Variants in TSPAN5 observed in about 807,000 individuals in gnomAD.
TSPAN5 encodes the protein tetraspanin 5.
TSPAN5 carries 10 observed loss-of-function variants against 37.1 expected under a neutral mutation model. That is an observed-to-expected ratio of 0.27 (90% confidence interval 0.17 to 0.46). The LOEUF (loss-of-function observed/expected upper bound fraction) is 0.46. Among genes scored for constraint, TSPAN5 ranks in the 20% least tolerant of loss-of-function variants. The pLI, the probability that TSPAN5 is intolerant of heterozygous loss-of-function variation, is 1.00. For synonymous variants in TSPAN5, 110 were observed against 118.9 expected (o/e 0.93, Z 0.48); for missense variants, 195 against 326.6 (o/e 0.60, Z 3.11).
intron 1 of TSPAN5, among the ~76,000 whole-genome samples, chr4:98,585,845 C>T (rs941682906): frequency 1.3e-5 from 2 of 152,252 alleles, no homozygotes; most frequent in Non-Finnish European, 2.9e-5. Context: ...ATCTCCTCCA[C>T]TGTGAAATGA....
intron 1 of TSPAN5, chr4:98,575,048 G>GAGCCAGAGCCAC (rs1268206897): frequency 7.4e-5 from 12 of 161,156 alleles, no homozygotes. Context: ...GCCAGAGCCA[G>GAGCCAGAGCCAC]AGCCAGCACG....
intron 1 of TSPAN5, among the ~76,000 whole-genome samples, chr4:98,535,641 C>G (rs186959860): frequency 6.6e-6 from 1 of 152,132 alleles, no homozygotes; most frequent in Admixed American, 6.6e-5. Context: ...CAACTTGGTT[C>G]CATTCTCCTT....
chr4:98,474,431 G>A (rs930500995), intron 7 of TSPAN5, among the ~76,000 whole-genome samples: 25 of 152,168 alleles, frequency 1.6e-4, no homozygotes, highest in African/African-American at 6.0e-4. Context: ...TCAGCTCACT[G>A]CAACCTCCCA....
chr4:98,501,908 A>G (rs963073217), intron 2 of TSPAN5, among the ~76,000 whole-genome samples: 1 of 152,234 alleles, frequency 6.6e-6, no homozygotes, highest in African/African-American at 2.4e-5. Context: ...GTGCAAGAGC[A>G]GAGGCAGGGA....
At chr4:98,625,467 A>C (rs909126278) in intron 1 of TSPAN5, among the ~76,000 whole-genome samples, 2 of 152,216 alleles carry the variant, frequency 1.3e-5, no homozygotes, top group African/African-American at 2.4e-5. Context: ...TTCATGTTCA[A>C]CTCAAGATTA....
At chr4:98,476,698 A>G (rs28452129) in intron 5 of TSPAN5, among the ~76,000 whole-genome samples, 2,291 of 152,328 alleles carry the variant, frequency 0.015, 49 homozygotes, top group African/African-American at 0.052. Context: ...GGCTTGGGGA[A>G]TATCAGAAAA....
At chr4:98,551,080 A>G (rs1298867273) in intron 1 of TSPAN5, among the ~76,000 whole-genome samples, 2 of 152,140 alleles carry the variant, frequency 1.3e-5, no homozygotes, top group Non-Finnish European at 2.9e-5. Context: ...GAAGACTTTT[A>G]TCATGAAGAG....
intron 1 of TSPAN5, among the ~76,000 whole-genome samples, chr4:98,528,781 C>T (rs187051703): frequency 6.6e-6 from 1 of 152,280 alleles, no homozygotes; most frequent in Non-Finnish European, 1.5e-5. Context: ...GCTATGCTCA[C>T]TACTATAAAC....
At chr4:98,505,889 C>T (rs1213790271) in intron 2 of TSPAN5, among the ~76,000 whole-genome samples, 1 of 152,208 alleles carries the variant, frequency 6.6e-6, no homozygotes, top group African/African-American at 2.4e-5. Flanking sequence ...CAAGAGAAAT[C>T]TTGATGGTGG....
intron 1 of TSPAN5, among the ~76,000 whole-genome samples, chr4:98,643,223 TATTC>T (rs1486724925): frequency 1.3e-5 from 2 of 152,168 alleles, no homozygotes; most frequent in Non-Finnish European, 2.9e-5. Flanking sequence ...ATGCCTACAG[TATTC>T]ATTACCATAA....
At chr4:98,532,895 T>A (rs60026821) in intron 1 of TSPAN5, among the ~76,000 whole-genome samples, 31,940 of 152,158 alleles carry the variant, frequency 0.21, 3,506 homozygotes, top group South Asian at 0.25. Context: ...GTTTTTAGCA[T>A]GAAGGAGTGT....
At chr4:98,577,683 A>C (rs1273710140) in intron 1 of TSPAN5, among the ~76,000 whole-genome samples, 5 of 152,232 alleles carry the variant, frequency 3.3e-5, no homozygotes, top group Non-Finnish European at 7.3e-5. Context: ...AAAGAGAAGC[A>C]ATGTCACATG....
chr4:98,607,598 C>T (rs550531157), intron 1 of TSPAN5, among the ~76,000 whole-genome samples: 1 of 152,032 alleles, frequency 6.6e-6, no homozygotes, highest in Non-Finnish European at 1.5e-5. Context: ...TGTATTTTAT[C>T]AGTCCTATTG....
intron 1 of TSPAN5, among the ~76,000 whole-genome samples, chr4:98,574,066 C>T (rs1240320836): frequency 1.3e-5 from 2 of 152,184 alleles, no homozygotes; most frequent in African/African-American, 2.4e-5. Context: ...TCCTACAAGG[C>T]TAATGATCCC....
rs1194318640 is a variant in TSPAN5 at position 98,533,939 on chromosome 4, T to TAAAAAAAAAAAAAAAAAAAAAAAA, written c.82-26212_82-26211insTTTTTTTTTTTTTTTTTTTTTTTT. On this transcript the variant is annotated intron_variant, in intron 1 of 7. Coordinates refer to ENST00000305798, the MANE Select transcript of TSPAN5 (RefSeq NM_005723.4). The stretch of plus-strand genomic sequence containing the variant: ...AGTGGTCTATCCATTTTGTTGATCT[T>TAAAAAAAAAAAAAAAAAAAAAAAA]AAAAAAAAAAAAAAAAAAAAAAACC... Among the ~76,000 whole-genome samples, 54 of 31,152 alleles carry TAAAAAAAAAAAAAAAAAAAAAAAA rather than the reference T, an allele frequency of 1.7e-3. 9 individuals carry two copies. The highest frequency in any genetic ancestry group is 6.2e-3 in the South Asian group (2 of 322). The allele number at this position is 31,152 out of a possible 152,430, so 20.4% of individuals were successfully genotyped here. A position where few individuals can be genotyped will look rare whatever the true frequency, so the allele number is the denominator to read the frequency against.
intron 2 of TSPAN5, among the ~76,000 whole-genome samples, chr4:98,495,326 G>A (rs1435709610): frequency 2.0e-5 from 3 of 152,086 alleles, no homozygotes; most frequent in Admixed American, 1.3e-4. Flanking sequence ...TCAGGAGATC[G>A]AGACCATCCT....
At chr4:98,572,019 G>C (rs969966990) in intron 1 of TSPAN5, among the ~76,000 whole-genome samples, 1 of 152,018 alleles carries the variant, frequency 6.6e-6, no homozygotes, top group Non-Finnish European at 1.5e-5. Flanking sequence ...TGTCACCCAG[G>C]CTGGAGTACA....
rs113635952 is a variant in TSPAN5 at position 98,484,800 on chromosome 4, T to TAA, written c.279+1936_279+1937dup. ...AACATGGTGAAACCCCATCTTTACT[T>TAA]AAAAAAAAAAAATACAATTCAGAGG... is the stretch of plus-strand genomic sequence containing the variant. On this transcript the variant is annotated intron_variant, in intron 3 of 7. Transcript: ENST00000305798. The TAA allele has an allele frequency of 1.8e-4, 45 of 251,080 alleles. 1 individual carries two copies. The highest frequency in any genetic ancestry group is 7.0e-4 in the African/African-American group (29 of 41,318). The allele number at this position is 251,080 out of a possible 1,614,324, so 15.6% of individuals were successfully genotyped here.
At chr4:98,599,688 C>T (rs993486445) in intron 1 of TSPAN5, among the ~76,000 whole-genome samples, 1 of 152,152 alleles carries the variant, frequency 6.6e-6, no homozygotes, top group African/African-American at 2.4e-5. Flanking sequence ...TGTATGTGGT[C>T]TTCTGAGTTT....
Sources: gnomAD v4.1 joint callset for allele counts (sites outside exome capture counted in the v4.1 genomes callset) on GRCh38, gnomAD v4.1.1 for gene constraint, MANE v1.5 for transcripts, NCBI Gene and HGNC (gene_info 2026-07-23, HGNC 2026-07-21) for gene names.